The following RBFOX1 variants were observed in gnomAD, a reference collection of about 807,000 sequenced individuals.
RBFOX1 encodes RNA binding fox-1 homolog 1.
A neutral mutation model predicts 57.7 loss-of-function variants in RBFOX1; 8 were observed. The ratio of observed to expected loss-of-function variants is 0.14; its 90% confidence interval spans 0.08 to 0.25. RBFOX1 has a LOEUF of 0.25. Ranked by LOEUF, RBFOX1 falls within the 10% of genes least tolerant of loss-of-function variation. The pLI, the probability that RBFOX1 is intolerant of heterozygous loss-of-function variation, is 1.00. For missense variants in RBFOX1, 611 were observed against 548.5 expected (o/e 1.11, Z -1.14); for synonymous variants, 326 against 222.4 (o/e 1.47, Z -4.15).
intron 4 of RBFOX1, among the ~76,000 whole-genome samples, chr16:5,993,025 A>T (rs149044305): frequency 5.9e-5 from 9 of 152,204 alleles, no homozygotes; most frequent in African/African-American, 2.2e-4. Flanking sequence ...AGGCTGGGGG[A>T]CCCTGGGCTT....
At position 5,274,340 on chromosome 16, in the gene RBFOX1, C is replaced by G. The variant is rs1367827707; in HGVS notation, c.219+34235C>G. ...GGCCAGGAGTTCGAGACCAGCCTGG[C>G]CAACATGGTGAAACCGTTTGTCTAC... On this transcript the variant is annotated intron_variant, in intron 1 of 2. Transcript: ENST00000585867. 2.0e-5 allele frequency among the ~76,000 whole-genome samples: 3 copies of G among 152,176 alleles called. No individual in the cohort carries two copies. The East Asian group carries it at 5.8e-4, about 29-fold the overall frequency.
At chr16:6,803,069 T>A (rs1242575914) in intron 3 of RBFOX1, among the ~76,000 whole-genome samples, 1 of 152,148 alleles carries the variant, frequency 6.6e-6, no homozygotes. Context: ...TGTTACTTTG[T>A]GTGTGTGTTT....
intron 4 of RBFOX1, among the ~76,000 whole-genome samples, chr16:7,249,045 G>C (rs1324062203): frequency 6.6e-6 from 1 of 152,112 alleles, no homozygotes; most frequent in Admixed American, 6.6e-5. Flanking sequence ...CTGCATAATA[G>C]AGGGAGGGAA....
chr16:5,381,540 A>G (rs1250365001), intron 1 of RBFOX1, among the ~76,000 whole-genome samples: 4 of 152,174 alleles, frequency 2.6e-5, no homozygotes, highest in African/African-American at 9.6e-5. Flanking sequence ...CACACTGGGT[A>G]GTGAGGATGA....
intron 1 of RBFOX1, among the ~76,000 whole-genome samples, chr16:6,098,683 C>T (rs551617133): frequency 6.6e-6 from 1 of 152,226 alleles, no homozygotes; most frequent in African/African-American, 2.4e-5. Context: ...CACCAAAAAG[C>T]TCATCATCTG....
At chr16:6,665,007 T>C (rs2098723179) in intron 3 of RBFOX1, among the ~76,000 whole-genome samples, 1 of 152,160 alleles carries the variant, frequency 6.6e-6, no homozygotes, top group Admixed American at 6.5e-5. Context: ...GCATTTTCAA[T>C]TGTCATAGAA....
intron 4 of RBFOX1, among the ~76,000 whole-genome samples, chr16:5,890,638 A>G (rs896519628): frequency 3.5e-5 from 5 of 142,206 alleles, no homozygotes; most frequent in African/African-American, 1.3e-4. Flanking sequence ...TGGAGATTGC[A>G]GTGAGCCGAG....
At chr16:6,968,640 C>A (rs74010406) in intron 3 of RBFOX1, among the ~76,000 whole-genome samples, 6 of 152,194 alleles carry the variant, frequency 3.9e-5, no homozygotes, top group African/African-American at 1.4e-4. Flanking sequence ...ACACAACGTG[C>A]CACCATCCCA....
chr16:5,821,173 C>G (rs1259520305), intron 3 of RBFOX1, among the ~76,000 whole-genome samples: 2 of 151,890 alleles, frequency 1.3e-5, no homozygotes, highest in African/African-American at 4.8e-5. Flanking sequence ...TTCTCCTCGT[C>G]TGGCCTGGGA....
intron 2 of RBFOX1, among the ~76,000 whole-genome samples, chr16:6,363,902 A>G (rs1432054391): frequency 6.6e-6 from 1 of 152,222 alleles, no homozygotes; most frequent in Admixed American, 6.5e-5. Flanking sequence ...TACATAGGTG[A>G]AGTATCTGAA....
intron 3 of RBFOX1, among the ~76,000 whole-genome samples, chr16:6,882,150 T>C (rs2063073756): frequency 6.6e-6 from 1 of 152,142 alleles, no homozygotes; most frequent in South Asian, 2.1e-4. Flanking sequence ...TGGTCTTAGA[T>C]GCCTCATTAA....
At chr16:6,585,438 C>T (rs2097595117) in intron 2 of RBFOX1, among the ~76,000 whole-genome samples, 1 of 152,142 alleles carries the variant, frequency 6.6e-6, no homozygotes, top group Non-Finnish European at 1.5e-5. Flanking sequence ...GACTTGTATT[C>T]TCGGTCCCCT....
rs956565154 is a variant in RBFOX1, at chr16:6,786,470, A to G, written c.-16+131820A>G. 2.0e-5 allele frequency among the ~76,000 whole-genome samples: 3 copies of G among 152,196 alleles called. No individual in the cohort carries two copies. The East Asian group carries it at 5.8e-4, about 29-fold the overall frequency. ...TTTTACAGGGAAAAAGCAGAAAAAT[A>G]ACAACAAAGAGCTGTGTAGCCCCTT... On this transcript the variant is annotated intron_variant, in intron 3 of 15. Coordinates refer to ENST00000550418, the MANE Select transcript of RBFOX1 (RefSeq NM_018723.4).
intron 4 of RBFOX1, among the ~76,000 whole-genome samples, chr16:5,930,950 G>GT (rs2059042448): frequency 7.1e-6 from 1 of 140,306 alleles, no homozygotes; most frequent in Non-Finnish European, 1.6e-5. Context: ...AGGTGGGTGG[G>GT]TGGGAGGGTG....
chr16:7,029,210 G>A lies in RBFOX1; in HGVS notation c.-15-22847G>A, dbSNP rs1176644047. On this transcript the variant is annotated intron_variant, in intron 3 of 15. Transcript: ENST00000550418. ...TATATACACATATGTATACGTATAC[G>A]TATATATATACACACATATATATAC... Among the ~76,000 whole-genome samples, 3 of 52,264 alleles carry A rather than the reference G, an allele frequency of 5.7e-5. 1 individual carries two copies. Among genetic ancestry groups the A allele is most frequent in the Admixed American group, 4.1e-4 (2 of 4,904 alleles). The allele number at this position is 52,264 out of a possible 152,430, so 34.3% of individuals were successfully genotyped here. A position where few individuals can be genotyped will look rare whatever the true frequency, so the allele number is the denominator to read the frequency against.
Position 7,324,175 on chromosome 16 carries a change from G to A in RBFOX1, c.28-193972G>A, listed in dbSNP as rs1568211995. ...TCCTTTTTACAATGAGCCATCTGAT[G>A]AGCCTTCTATCCATGCAAAGTATGC... On this transcript the variant is annotated intron_variant, in intron 4 of 15. Transcript: ENST00000550418. 2.6e-5 allele frequency among the ~76,000 whole-genome samples: 4 copies of A among 152,136 alleles called. No individual in the cohort carries two copies. The South Asian group carries it at 8.3e-4, about 32-fold the overall frequency.
At chr16:6,952,939 C>T (rs987318055) in intron 3 of RBFOX1, among the ~76,000 whole-genome samples, 6 of 152,072 alleles carry the variant, frequency 3.9e-5, no homozygotes, top group African/African-American at 1.4e-4. Context: ...CCCCATTGCA[C>T]TCCAGCCTGG....
intron 4 of RBFOX1, among the ~76,000 whole-genome samples, chr16:7,127,268 A>T (rs2068843090): frequency 6.6e-6 from 1 of 152,160 alleles, no homozygotes. Flanking sequence ...GTTGTCAGCA[A>T]TATGTAATAT....
rs368437936 is a variant in RBFOX1 at position 7,496,702 on chromosome 16, T to C, written c.28-21445T>C. ...AACCTTAACAAAGACTTTTTTTTTT[T>C]AAATTTGACCACTGCAGTGTTCTCA... is the stretch of plus-strand genomic sequence containing the variant. On this transcript the variant is annotated intron_variant, in intron 4 of 15. Transcript: ENST00000550418. Among the ~76,000 whole-genome samples the C allele has an allele frequency of 4.3e-3, 634 of 147,820 alleles. 5 individuals are homozygous for C. Among genetic ancestry groups the C allele is most frequent in the African/African-American group, 0.015 (596 of 39,938 alleles).
Sources: gnomAD v4.1 joint callset for allele counts (sites outside exome capture counted in the v4.1 genomes callset) on GRCh38, gnomAD v4.1.1 for gene constraint, MANE v1.5 for transcripts, NCBI Gene and HGNC (gene_info 2026-07-23, HGNC 2026-07-21) for gene names.